The following RAI14 variants were observed in gnomAD, a reference collection of about 807,000 sequenced individuals.
RAI14 encodes the protein retinoic acid induced 14.
A neutral mutation model predicts 115.4 loss-of-function variants in RAI14; 45 were observed. That is an observed-to-expected ratio of 0.39 (90% CI 0.31 to 0.50). RAI14 has a LOEUF of 0.50. RAI14 is among the 20% of genes least tolerant of loss of function. RAI14 has a pLI of 0.85. For synonymous variants in RAI14, 371 were observed against 415.4 expected, an observed-to-expected ratio of 0.89 and a Z score of 1.30; for missense variants, 939 against 1,131.2, an observed-to-expected ratio of 0.83 and a Z score of 2.44.
At chr5:34,669,374 T>G (rs1406671325) in intron 1 of RAI14, among the ~76,000 whole-genome samples, 2 of 152,240 alleles carry the variant, frequency 1.3e-5, no homozygotes, top group African/African-American at 2.4e-5. Context: ...ACAGGCTTTC[T>G]TTCTGTCTCT....
At chr5:34,771,232 A>C (rs963723563) in intron 3 of RAI14, among the ~76,000 whole-genome samples, 5 of 152,044 alleles carry the variant, frequency 3.3e-5, no homozygotes, top group Admixed American at 3.3e-4. Flanking sequence ...ACGTCCTAAC[A>C]CTCTGGTATT....
intron 12 of RAI14, among the ~76,000 whole-genome samples, chr5:34,816,641 C>T (rs1156989114): frequency 6.6e-6 from 1 of 151,818 alleles, no homozygotes; most frequent in Non-Finnish European, 1.5e-5. Flanking sequence ...ACTTACTTTC[C>T]CTTATTTAGA....
intron 16 of RAI14, among the ~76,000 whole-genome samples, chr5:34,828,475 G>A (rs1757672991): frequency 6.6e-6 from 1 of 151,376 alleles, no homozygotes; most frequent in South Asian, 2.1e-4. Context: ...TGAAAGGTGG[G>A]GAGGGAACAA....
chr5:34,659,565 C>T (rs932372148), intron 1 of RAI14, among the ~76,000 whole-genome samples: 1 of 152,210 alleles, frequency 6.6e-6, no homozygotes, highest in African/African-American at 2.4e-5. Flanking sequence ...TAGTTTTTCA[C>T]TGTTACACTT....
intron 3 of RAI14, among the ~76,000 whole-genome samples, chr5:34,778,233 T>G (rs140006605): frequency 1.6e-3 from 240 of 152,348 alleles, no homozygotes; most frequent in African/African-American, 5.5e-3. Flanking sequence ...CAAACTTGGA[T>G]GTGTACATGG....
chr5:34,669,583 G>A (rs1743477587), intron 1 of RAI14, among the ~76,000 whole-genome samples: 1 of 152,186 alleles, frequency 6.6e-6, no homozygotes, highest in Non-Finnish European at 1.5e-5. Flanking sequence ...GGGCGCTTTT[G>A]TGTGTGGCTT....
At chr5:34,786,171 A>AT (rs1218762166) in intron 3 of RAI14, among the ~76,000 whole-genome samples, 1 of 152,226 alleles carries the variant, frequency 6.6e-6, no homozygotes, top group African/African-American at 2.4e-5. Flanking sequence ...CATTTCCCAA[A>AT]TTTAAAAGGA....
chr5:34,756,549 T>C (rs992808808), intron 2 of RAI14, among the ~76,000 whole-genome samples: 1 of 152,094 alleles, frequency 6.6e-6, no homozygotes, highest in Non-Finnish European at 1.5e-5. Flanking sequence ...GAGCCTCTGA[T>C]ATGCTCAACA....
rs77957544 is a variant in RAI14, at chr5:34,821,478, G to A, written c.995-254G>A. ...TTAAGCAAATGAATAGGAAATATAT[G>A]ACCAAATTCATCAATTTTCAGATTG... On this transcript the variant is annotated intron_variant, in intron 13 of 17. Coordinates refer to ENST00000265109, the MANE Select transcript of RAI14 (RefSeq NM_015577.3). Among the ~76,000 whole-genome samples, 1,076 of 151,704 alleles carry A rather than the reference G, an allele frequency of 7.1e-3. 10 individuals are homozygous for A. Among genetic ancestry groups the A allele is most frequent in the African/African-American group, 0.025 (1,014 of 41,364 alleles).
At chr5:34,816,023 T>A (rs1024343336) in intron 12 of RAI14, among the ~76,000 whole-genome samples, 45 of 152,334 alleles carry the variant, frequency 3.0e-4, no homozygotes, top group African/African-American at 1.1e-3. Context: ...ATTGAGGAAA[T>A]GCCAAAAATT....
intron 2 of RAI14, among the ~76,000 whole-genome samples, chr5:34,729,671 A>G (rs368511228): frequency 9.8e-5 from 15 of 152,338 alleles, no homozygotes; most frequent in African/African-American, 3.6e-4. Context: ...AGATAGGATC[A>G]GTCAGAATCA....
intron 1 of RAI14, among the ~76,000 whole-genome samples, chr5:34,670,313 C>G (rs1743528479): frequency 6.6e-6 from 1 of 152,222 alleles, no homozygotes; most frequent in South Asian, 2.1e-4. Flanking sequence ...TTAGTTTAAT[C>G]TAGCCTCCTC....
intron 2 of RAI14, among the ~76,000 whole-genome samples, chr5:34,717,582 C>T (rs907592322): frequency 7.9e-5 from 12 of 152,104 alleles, no homozygotes; most frequent in African/African-American, 2.9e-4. Flanking sequence ...CAAGGTAAGA[C>T]GTGTAGTCCC....
chr5:34,660,306 C>T (rs1742593158), intron 1 of RAI14, among the ~76,000 whole-genome samples: 1 of 152,170 alleles, frequency 6.6e-6, no homozygotes, highest in Admixed American at 6.5e-5. Context: ...GTGGCGCATG[C>T]CTGTAATCCC....
At chr5:34,782,878 T>A (rs1304387497) in intron 3 of RAI14, among the ~76,000 whole-genome samples, 2 of 152,208 alleles carry the variant, frequency 1.3e-5, no homozygotes, top group Non-Finnish European at 2.9e-5. Context: ...TCCACAGGAA[T>A]CGTTGCACAG....
In RAI14 at chr5:34,770,614, G is replaced by A. The variant is rs545792621; in HGVS notation, c.167+13016G>A. ...TGAATGGAGTGAGGGATTCAGCTGC[G>A]TACTTTTCTGCAGGAATGGCTCTCC... is the stretch of plus-strand genomic sequence containing the variant. On this transcript the variant is annotated intron_variant, in intron 3 of 17. Transcript: ENST00000265109. 1.6e-4 allele frequency among the ~76,000 whole-genome samples: 25 copies of A among 152,328 alleles called. No individual in the cohort carries two copies. The East Asian group carries it at 2.3e-3, about 14-fold the overall frequency.
chr5:34,824,127 A>G lies in RAI14; in HGVS notation c.2285A>G (p.Glu762Gly), dbSNP rs1399005892. Reference protein sequence around the residue: ...SNLKEHLASKEVEVAKLEKQL... With the variant: ...SNLKEHLASKGVEVAKLEKQL... ...CTTAAGGAACACCTTGCAAGCAAGG[A>G]AGTGGAAGTAGCAAAGCTGGAGAAA... Residue 762 changes from glutamate (E) to glycine (G), a missense_variant, in exon 15 of 18, where the codon GAA becomes GGA. Physicochemically the swap from Glu to Gly is moderately conservative, Grantham distance 98 (BLOSUM62 -2). Coordinates refer to ENST00000265109, the MANE Select transcript of RAI14 (RefSeq NM_015577.3). The G allele has an allele frequency of 6.2e-7, 1 of 1,614,042 alleles. No individual in the cohort carries two copies.
chr5:34,711,326 A>G (rs1277406447), intron 2 of RAI14, among the ~76,000 whole-genome samples: 1 of 151,368 alleles, frequency 6.6e-6, no homozygotes, highest in Non-Finnish European at 1.5e-5. Flanking sequence ...GATCTCACAA[A>G]GTACATTCTC....
At chr5:34,722,551 C>T (rs764820188) in intron 2 of RAI14, among the ~76,000 whole-genome samples, 12 of 151,954 alleles carry the variant, frequency 7.9e-5, no homozygotes, top group Non-Finnish European at 1.0e-4. Context: ...CAGAGAAATA[C>T]AAACTTAATC....
Sources: gnomAD v4.1 joint callset for allele counts (sites outside exome capture counted in the v4.1 genomes callset) on GRCh38, gnomAD v4.1.1 for gene constraint, MANE v1.5 for transcripts, NCBI Gene and HGNC (gene_info 2026-07-23, HGNC 2026-07-21) for gene names.